CIAPIN1: variants seen among roughly 807,000 people sequenced by gnomAD.
The protein encoded by CIAPIN1 is anamorsin.
In CIAPIN1, 18 loss-of-function variants were observed where a neutral mutation model predicts 34.3. That is an observed-to-expected ratio of 0.52 (90% CI 0.36 to 0.78). The LOEUF (loss-of-function observed/expected upper bound fraction) is 0.78. CIAPIN1 is among the 30% of genes least tolerant of loss of function. CIAPIN1 has a pLI of 0.00. For missense variants in CIAPIN1, 310 were observed against 372.5 expected (o/e 0.83, Z 1.38); for synonymous variants, 131 against 140.4 (o/e 0.93, Z 0.47).
intron 6 of CIAPIN1, among the ~76,000 whole-genome samples, chr16:57,431,931 T>C (rs1903095874): frequency 6.6e-6 from 1 of 152,214 alleles, no homozygotes; most frequent in Non-Finnish European, 1.5e-5. Context: ...TTTTCAGGTT[T>C]ACACATGCCC....
chr16:57,439,430 AGAGAATGG>A, intron 2 of CIAPIN1, 96 bp from the exon 3 acceptor site: 1 of 1,289,480 alleles, frequency 7.8e-7, no homozygotes, highest in Non-Finnish European at 1.1e-6. Context: ...CCTCACCCTG[AGAGAATGG>A]ACACCACTCG....
At chr16:57,440,590 C>A (rs1393993231) in intron 2 of CIAPIN1, among the ~76,000 whole-genome samples, 182 bp downstream of exon 2, 1 of 152,140 alleles carries the variant, frequency 6.6e-6, no homozygotes, top group African/African-American at 2.4e-5. Context: ...TAGAAAAGAA[C>A]CTACGTTGAA....
At chr16:57,432,687 T>G (rs1322382672) in intron 5 of CIAPIN1, 127 bp from the exon 6 acceptor site, 3 of 844,698 alleles carry the variant, frequency 3.6e-6, no homozygotes, top group Non-Finnish European at 5.5e-6. Context: ...AGATGTGGGT[T>G]CACAGTCCAG....
At chr16:57,432,114 G>A (rs574849906) in intron 6 of CIAPIN1, among the ~76,000 whole-genome samples, 5 of 152,222 alleles carry the variant, frequency 3.3e-5, no homozygotes, top group African/African-American at 9.6e-5. Flanking sequence ...GGAGTTTTGC[G>A]ACCAGTCTGG....
At chr16:57,430,754 T>C (rs16957028) in intron 7 of CIAPIN1, 6,918 of 237,366 alleles carry the variant, frequency 0.029, 164 homozygotes, top group East Asian at 0.092. Flanking sequence ...ACTGATTAAC[T>C]TTCTACAATC....
chr16:57,441,018 A>G, intron 1 of CIAPIN1, 35 bp from the exon 2 acceptor site: 2 of 1,341,378 alleles, frequency 1.5e-6, no homozygotes, highest in Non-Finnish European at 2.0e-6. Flanking sequence ...AATCTGTGAG[A>G]TATCATAAAA....
At position 57,440,755 on chromosome 16, in the gene CIAPIN1, C is replaced by T. The variant is rs372920246; in HGVS notation, c.157+17G>A. ...AACCCCTCCAGCCTCATAAAGACAA[C>T]GTGGGTGGGTACTTACATTGCAACA... On this transcript the variant is annotated intron_variant, in intron 2 of 8. Coordinates refer to ENST00000394391, the MANE Select transcript of CIAPIN1 (RefSeq NM_020313.4). The T allele has an allele frequency of 3.6e-5, 58 of 1,602,300 alleles. 1 individual carries two copies. In the African/African-American group the frequency reaches 5.4e-4, roughly 15 times the overall value.
At chr16:57,439,633 T>C (rs1340571950) in intron 2 of CIAPIN1, among the ~76,000 whole-genome samples, 1 of 152,252 alleles carries the variant, frequency 6.6e-6, no homozygotes, top group African/African-American at 2.4e-5. Context: ...GAAGATTTCA[T>C]GAACATTTAT....
intron 5 of CIAPIN1, 194 bp downstream of exon 5, chr16:57,433,850 C>T (rs1482463873): frequency 5.7e-6 from 3 of 524,802 alleles, no homozygotes; most frequent in East Asian, 7.3e-5. Context: ...CTAGATAATA[C>T]CTATGTATTA....
Position 57,429,682 on chromosome 16 carries a change from C to CG in CIAPIN1, c.829-403dup, listed in dbSNP as rs1299670601. Among the ~76,000 whole-genome samples the CG allele has an allele frequency of 3.3e-5, 5 of 152,010 alleles. No homozygotes were observed. In the East Asian group the frequency reaches 9.7e-4, roughly 29 times the overall value. On this transcript the variant is annotated intron_variant, in intron 8 of 8. Coordinates refer to ENST00000394391, the MANE Select transcript of CIAPIN1 (RefSeq NM_020313.4). ...AATTTTTTTGTATTTTTAGTAGAGA[C>CG]GGGGTTTCACCATGTTAGCCAGGAT...
intron 5 of CIAPIN1, among the ~76,000 whole-genome samples, chr16:57,432,976 T>C (rs1380990408): frequency 6.6e-6 from 1 of 152,254 alleles, no homozygotes; most frequent in African/African-American, 2.4e-5. Flanking sequence ...GATACCTTAG[T>C]TTCCATTCTA....
chr16:57,437,446 G>A (rs1903229149), intron 3 of CIAPIN1, among the ~76,000 whole-genome samples: 1 of 151,916 alleles, frequency 6.6e-6, no homozygotes. Flanking sequence ...CATCTTAATA[G>A]TATTTATCAG....
chr16:57,434,620 A>G (rs1000474473), intron 4 of CIAPIN1, among the ~76,000 whole-genome samples: 2 of 152,210 alleles, frequency 1.3e-5, no homozygotes, highest in African/African-American at 4.8e-5. Context: ...TCCTTGGGAT[A>G]AAGTAGCAGA....
intron 1 of CIAPIN1, among the ~76,000 whole-genome samples, chr16:57,445,358 T>C (rs981238611): frequency 6.6e-6 from 1 of 151,974 alleles, no homozygotes; most frequent in African/African-American, 2.4e-5. Context: ...AATACAAAGA[T>C]TAGCTGGGCA....
chr16:57,432,509 T>G lies in CIAPIN1; in HGVS notation c.608A>C (p.Asn203Thr). 1 of 1,613,650 alleles carries G rather than the reference T, an allele frequency of 6.2e-7. No homozygotes were observed. Among genetic ancestry groups the G allele is most frequent in the Non-Finnish European group, 8.5e-7 (1 of 1,179,934 alleles). The change falls in exon 6 of 9, where the codon AAC (asparagine) becomes ACC (threonine). Residue 203 changes from asparagine to threonine, a missense_variant. Physicochemically the swap from Asn to Thr is moderately conservative, Grantham distance 65 (BLOSUM62 0). Coordinates refer to ENST00000394391, the MANE Select transcript of CIAPIN1 (RefSeq NM_020313.4). ...AAAKLWTLSA[N>T]DMEDDSMDLI... ...CACCATGCTGTCGTCCTCCATATCG[T>G]TGGCTGAGAGGGTCCACAGCTTGGC...
At position 57,428,969 on chromosome 16, in the gene CIAPIN1, A is replaced by AT. The variant is rs763193245; in HGVS notation, c.*200dup. ...CCATCCCATTCTGAAACCAGGTCCC[A>AT]TAATACCTTGGTCTTTTGATACACA... On this transcript the variant is annotated 3_prime_UTR_variant, in exon 9 of 9. Coordinates refer to ENST00000394391, the MANE Select transcript of CIAPIN1 (RefSeq NM_020313.4). 1.5e-5 allele frequency: 8 copies of AT among 533,240 alleles called. No individual in the cohort carries two copies. Among genetic ancestry groups the AT allele is most frequent in the Non-Finnish European group, 2.7e-5 (8 of 297,876 alleles). 33.0% of individuals were successfully genotyped at this position (533,240 alleles called of 1,614,324 possible). A position where few individuals can be genotyped will look rare whatever the true frequency, so the allele number is the denominator to read the frequency against.
chr16:57,432,482 C>G lies in CIAPIN1; in HGVS notation c.630+5G>C. 6.2e-7 allele frequency: 1 copy of G among 1,613,434 alleles called. No individual in the cohort carries two copies. On this transcript the variant is annotated splice_donor_5th_base_variant and intron_variant, in intron 6 of 8. Coordinates refer to ENST00000394391, the MANE Select transcript of CIAPIN1 (RefSeq NM_020313.4). ...AGCAATCAAGTGACAATGCTGCCAG[C>G]TCACCATGCTGTCGTCCTCCATATC...
intron 1 of CIAPIN1, among the ~76,000 whole-genome samples, chr16:57,445,665 T>G (rs372271714): frequency 2.0e-5 from 3 of 152,052 alleles, no homozygotes; most frequent in African/African-American, 7.2e-5. Flanking sequence ...TGGGCCTCAG[T>G]TTCCCTGCCA....
In CIAPIN1 at chr16:57,436,651, CG is replaced by C. The variant is rs1182640713; in HGVS notation, c.387+4del. 4 of 1,610,914 alleles carry C rather than the reference CG, an allele frequency of 2.5e-6. No individual in the cohort carries two copies. Among genetic ancestry groups the C allele is most frequent in the Non-Finnish European group, 2.5e-6 (3 of 1,177,402 alleles). ...GGCAGCAAAGAAAGTTGTCTACAAA[CG>C]TACCTCTTTCACTTCCACAAGACCA... On this transcript the variant is annotated splice_donor_region_variant and intron_variant, in intron 4 of 8. Transcript: ENST00000394391.
Sources: allele counts gnomAD v4.1 joint callset (sites outside exome capture counted in the v4.1 genomes callset), GRCh38; gene constraint gnomAD v4.1.1; transcripts MANE v1.5; gene names NCBI Gene and HGNC (gene_info 2026-07-23, HGNC 2026-07-21).